The following BMPER variants were observed in gnomAD, a reference collection of about 807,000 sequenced individuals.
The protein encoded by BMPER is BMP binding endothelial regulator, also known as BMP-binding endothelial regulator protein.
Under a neutral mutation model 87.3 loss-of-function variants are expected in BMPER, and 45 were observed. The ratio of observed to expected loss-of-function variants is 0.52; its 90% CI spans 0.41 to 0.66. BMPER has a LOEUF of 0.66. Ranked by LOEUF, BMPER falls within the 30% of genes least tolerant of loss-of-function variation. The probability of loss-of-function intolerance (pLI) is 0.00; values close to 1 mark genes in which losing one functional copy is unlikely to be tolerated. For missense variants in BMPER, 784 were observed against 867.5 expected (o/e 0.90, Z 1.21); for synonymous variants, 326 against 316.2 (o/e 1.03, Z -0.33).
rs1197419800 is a variant in BMPER, at chr7:34,153,372, A to AAC, written c.*111_*112dup. On this transcript the variant is annotated 3_prime_UTR_variant, in exon 15 of 15. Transcript: ENST00000649409. ...CAGTATTTGTGTGCCCGATTCTGTA[A>AAC]ACACACACACACAGAGTATATATGT... The AAC allele has an allele frequency of 1.5e-5, 18 of 1,186,912 alleles. No homozygotes were observed. The highest frequency in any genetic ancestry group is 5.3e-5 in the Admixed American group (3 of 56,492). 73.5% of individuals were successfully genotyped at this position (1,186,912 alleles called of 1,614,324 possible).
intron 6 of BMPER, among the ~76,000 whole-genome samples, chr7:34,016,118 G>A (rs1163957700): frequency 6.6e-6 from 1 of 151,884 alleles, no homozygotes; most frequent in Non-Finnish European, 1.5e-5. Flanking sequence ...CCTATGTATT[G>A]TGCTGATGAA....
rs537583683 is a variant in BMPER at position 34,113,526 on chromosome 7, TA to T, written c.1745+27435del. On this transcript the variant is annotated intron_variant, in intron 13 of 14. Coordinates refer to ENST00000649409, the MANE Select transcript of BMPER (RefSeq NM_001365308.1). Reference sequence around the variant, plus strand: ...TATCTGGAATTTATTTTGGCCAGCATATTTTTTTTGAACCATCTAGAATGCT... The same window carrying T: ...TATCTGGAATTTATTTTGGCCAGCATTTTTTTTTGAACCATCTAGAATGCT... Among the ~76,000 whole-genome samples the T allele has an allele frequency of 3.6e-3, 554 of 151,932 alleles. 2 individuals are homozygous for T. Among genetic ancestry groups the T allele is most frequent in the African/African-American group, 0.013 (529 of 41,380 alleles).
intron 4 of BMPER, among the ~76,000 whole-genome samples, chr7:33,969,545 G>A (rs997654658): frequency 2.6e-5 from 4 of 152,204 alleles, no homozygotes; most frequent in East Asian, 1.9e-4. Flanking sequence ...GACTACAGGC[G>A]CCTGCCACCA....
At chr7:34,081,941 AC>A (rs1789060392) in intron 12 of BMPER, among the ~76,000 whole-genome samples, 1 of 152,208 alleles carries the variant, frequency 6.6e-6, no homozygotes, top group South Asian at 2.1e-4. Context: ...CAGGAAACAA[AC>A]AATGCAAAAC....
In BMPER at chr7:34,087,650, T is replaced by C. The variant is rs572914684; in HGVS notation, c.1745+1558T>C. Among the ~76,000 whole-genome samples the C allele has an allele frequency of 1.5e-4, 23 of 152,356 alleles. No individual in the cohort carries two copies. In the East Asian group the frequency reaches 3.9e-3, roughly 26 times the overall value. On this transcript the variant is annotated intron_variant, in intron 13 of 14. Coordinates refer to ENST00000649409, the MANE Select transcript of BMPER (RefSeq NM_001365308.1). ...CAGCGCTCTATAATTGTTGCCATCATTTCTTCCGTGATTAATTCAGTAATG... is the reference window on the plus strand; with the variant it reads ...CAGCGCTCTATAATTGTTGCCATCACTTCTTCCGTGATTAATTCAGTAATG...
chr7:34,031,943 C>CACAA (rs1419961368), intron 6 of BMPER, among the ~76,000 whole-genome samples: 1 of 117,358 alleles, frequency 8.5e-6, no homozygotes, highest in Non-Finnish European at 1.7e-5. Flanking sequence ...CACACACACA[C>CACAA]ATATATATAC....
chr7:33,992,796 C>A (rs908530379), intron 6 of BMPER, among the ~76,000 whole-genome samples: 20 of 139,788 alleles, frequency 1.4e-4, no homozygotes, highest in Admixed American at 7.9e-4. Context: ...TTCAGGAGCT[C>A]TTTTAGGGCA....
intron 13 of BMPER, among the ~76,000 whole-genome samples, chr7:34,124,965 A>C (rs1018717380): frequency 6.6e-6 from 1 of 152,020 alleles, no homozygotes; most frequent in Non-Finnish European, 1.5e-5. Flanking sequence ...AGATCAGTAA[A>C]TATCTTGAGA....
chr7:34,121,039 C>T (rs1790252901), intron 13 of BMPER, among the ~76,000 whole-genome samples: 1 of 150,612 alleles, frequency 6.6e-6, no homozygotes, highest in Admixed American at 6.6e-5. Context: ...TATTTAATTA[C>T]ATAAATTAAG....
At chr7:34,091,766 G>A (rs1337837113) in intron 13 of BMPER, among the ~76,000 whole-genome samples, 1 of 152,128 alleles carries the variant, frequency 6.6e-6, no homozygotes, top group Non-Finnish European at 1.5e-5. Flanking sequence ...AGGTCTGATT[G>A]AAAAAATTTT....
upstream of BMPER, chr7:33,905,521 C>T: frequency 3.9e-6 from 6 of 1,557,900 alleles, no homozygotes; most frequent in South Asian, 1.2e-5. Context: ...CCCGACACGC[C>T]GGCTGAGAGC....
intron 13 of BMPER, among the ~76,000 whole-genome samples, chr7:34,140,159 C>T (rs1032944708): frequency 6.6e-6 from 1 of 152,164 alleles, no homozygotes; most frequent in African/African-American, 2.4e-5. Flanking sequence ...CTTCAGCTTC[C>T]GTATCTATTA....
intron 11 of BMPER, chr7:34,067,186 T>A (rs906422643): frequency 6.6e-6 from 1 of 152,216 alleles, no homozygotes; most frequent in Non-Finnish European, 1.5e-5. Flanking sequence ...GGTGACTTTT[T>A]AAACCCCCCA....
chr7:33,982,939 G>A (rs987465132), intron 6 of BMPER, among the ~76,000 whole-genome samples: 1 of 152,174 alleles, frequency 6.6e-6, no homozygotes, highest in Non-Finnish European at 1.5e-5. Context: ...CATTCAGTGT[G>A]AGGGCTTGAT....
At chr7:34,041,793 A>G (rs1403208532) in intron 6 of BMPER, among the ~76,000 whole-genome samples, 1 of 151,940 alleles carries the variant, frequency 6.6e-6, no homozygotes, top group African/African-American at 2.4e-5. Flanking sequence ...AAAAATAGAG[A>G]ACTCTATTTT....
At position 34,079,141 on chromosome 7, in the gene BMPER, C is replaced by T. The variant is rs778930198; in HGVS notation, c.1363C>T (p.His455Tyr). The change falls in exon 12 of 15, where the codon CAC (histidine) becomes TAC (tyrosine). Residue 455 changes from histidine to tyrosine, a missense_variant. His to Tyr is a moderately conservative substitution (Grantham distance 83). Transcript: ENST00000649409. ...IALPCRAPHF[H>Y]IDLDGYLLKV... The stretch of plus-strand genomic sequence containing the variant: ...GCTCCCCTGCCGCGCGCCACACTTC[C>T]ACATCGACCTGGATGGCTACCTCTT... 34 of 1,613,874 alleles carry T rather than the reference C, an allele frequency of 2.1e-5. No individual in the cohort carries two copies. Among genetic ancestry groups the T allele is most frequent in the African/African-American group, 2.7e-5 (2 of 74,950 alleles).
rs1016468264 is a variant in BMPER, at chr7:33,974,879, G to T, written c.576+95G>T. 4.0e-6 allele frequency: 5 copies of T among 1,239,714 alleles called. No individual in the cohort carries two copies. The African/African-American group carries it at 7.4e-5, about 18-fold the overall frequency. The allele number at this position is 1,239,714 out of a possible 1,614,324, so 76.8% of individuals were successfully genotyped here. A position where few individuals can be genotyped will look rare whatever the true frequency, so the allele number is the denominator to read the frequency against. On this transcript the variant is annotated intron_variant, in intron 6 of 14. Transcript: ENST00000649409. ...CCCCGGTCTCTACAGCCTCTCTCTCGTCTCCTCTCTGGGTAAAAGTCCGTC... is the reference window on the plus strand; with the variant it reads ...CCCCGGTCTCTACAGCCTCTCTCTCTTCTCCTCTCTGGGTAAAAGTCCGTC...
At chr7:34,143,155 C>T in intron 13 of BMPER, 75 bp from the exon 14 acceptor site, 1 of 1,598,924 alleles carries the variant, frequency 6.3e-7, no homozygotes, top group Non-Finnish European at 8.5e-7. Flanking sequence ...ATCTACGACC[C>T]TTTCTGAAGT....
intron 5 of BMPER, among the ~76,000 whole-genome samples, chr7:33,971,761 T>C (rs1465132999): frequency 6.6e-6 from 1 of 152,208 alleles, no homozygotes; most frequent in Non-Finnish European, 1.5e-5. Context: ...CACTCGGGTC[T>C]CAGATCTCCC....
Sources: allele counts gnomAD v4.1 joint callset (sites outside exome capture counted in the v4.1 genomes callset), GRCh38; gene constraint gnomAD v4.1.1; transcripts MANE v1.5; gene names NCBI Gene and HGNC (gene_info 2026-07-23, HGNC 2026-07-21).